The following FHIT variants were observed in gnomAD, a reference collection of about 807,000 sequenced individuals.
FHIT encodes bis(5'-adenosyl)-triphosphatase.
A neutral mutation model predicts 17.9 loss-of-function variants in FHIT; 19 were observed. That is an observed-to-expected ratio of 1.06 (90% confidence interval 0.74 to 1.56). The LOEUF (loss-of-function observed/expected upper bound fraction) is 1.56, where lower values mean the gene tolerates loss of function less well. Ranked by LOEUF, FHIT falls within the 40% of genes most tolerant of loss-of-function variation. The pLI is 0.00. For synonymous variants in FHIT, 81 were observed against 69.7 expected, an observed-to-expected ratio of 1.16 and a Z score of -0.81; for missense variants, 248 against 189.2, an observed-to-expected ratio of 1.31 and a Z score of -1.82.
chr3:60,770,984 T>G (rs782436304), intron 4 of FHIT, among the ~76,000 whole-genome samples: 1 of 152,216 alleles, frequency 6.6e-6, no homozygotes, highest in Non-Finnish European at 1.5e-5. Context: ...AACCTAACAG[T>G]TCTCTCTCAG....
intron 3 of FHIT, among the ~76,000 whole-genome samples, chr3:61,026,446 T>A (rs999521345): frequency 6.6e-6 from 1 of 152,200 alleles, no homozygotes; most frequent in Admixed American, 6.5e-5. Context: ...GCTGTTACCA[T>A]GGCGCCTGGC....
intron 4 of FHIT, among the ~76,000 whole-genome samples, chr3:60,814,678 C>G (rs782048621): frequency 6.6e-6 from 1 of 152,048 alleles, no homozygotes; most frequent in Non-Finnish European, 1.5e-5. Flanking sequence ...CATGCAAGTA[C>G]ATGTGTCTTT....
At chr3:60,030,602 G>A (rs190874145) in intron 5 of FHIT, among the ~76,000 whole-genome samples, 1 of 152,082 alleles carries the variant, frequency 6.6e-6, no homozygotes, top group African/African-American at 2.4e-5. Context: ...TTTCTATTGA[G>A]AATGCAAACT....
intron 5 of FHIT, among the ~76,000 whole-genome samples, chr3:60,055,258 G>A (rs1377926926): frequency 2.0e-5 from 3 of 152,092 alleles, no homozygotes; most frequent in Non-Finnish European, 2.9e-5. Context: ...CCAGCTTGCA[G>A]TACAGGGAAG....
chr3:61,167,926 A>G (rs1331846579), intron 2 of FHIT, among the ~76,000 whole-genome samples: 2 of 152,188 alleles, frequency 1.3e-5, no homozygotes, highest in Non-Finnish European at 2.9e-5. Flanking sequence ...AAGATCTCTC[A>G]GCTGGTAAGT....
chr3:60,920,987 C>G (rs1397685397), intron 3 of FHIT, among the ~76,000 whole-genome samples: 3 of 152,172 alleles, frequency 2.0e-5, no homozygotes, highest in African/African-American at 7.2e-5. Flanking sequence ...TGAGGGCTAA[C>G]TGTATAAGTA....
chr3:59,983,554 A>G (rs1005534879), intron 7 of FHIT, among the ~76,000 whole-genome samples: 2 of 152,164 alleles, frequency 1.3e-5, no homozygotes, highest in African/African-American at 4.8e-5. Context: ...AACTATGTAC[A>G]TATAGGAAAA....
chr3:60,703,083 C>G (rs1236594765), intron 4 of FHIT, among the ~76,000 whole-genome samples: 2 of 152,108 alleles, frequency 1.3e-5, no homozygotes, highest in Non-Finnish European at 2.9e-5. Flanking sequence ...GGGATTAGAG[C>G]GGCCCCTACC....
chr3:59,804,232 C>T (rs996278436), intron 8 of FHIT, among the ~76,000 whole-genome samples: 5 of 152,366 alleles, frequency 3.3e-5, no homozygotes, highest in Middle Eastern at 3.4e-3. Flanking sequence ...CCTCCTCACA[C>T]TCCTACACTT....
At chr3:60,289,193 C>G (rs951666489) in intron 5 of FHIT, among the ~76,000 whole-genome samples, 1 of 152,124 alleles carries the variant, frequency 6.6e-6, no homozygotes, top group African/African-American at 2.4e-5. Flanking sequence ...TAATTTTCTT[C>G]CTATTAAATT....
At chr3:60,023,175 G>C (rs1575910329) in intron 5 of FHIT, among the ~76,000 whole-genome samples, 1 of 152,178 alleles carries the variant, frequency 6.6e-6, no homozygotes, top group African/African-American at 2.4e-5. Context: ...ACTCCAATGA[G>C]AGATTATTTT....
intron 8 of FHIT, among the ~76,000 whole-genome samples, chr3:59,834,236 T>C (rs909795190): frequency 6.6e-6 from 1 of 152,174 alleles, no homozygotes; most frequent in Non-Finnish European, 1.5e-5. Context: ...AGTGTTCTCC[T>C]GTACATCACA....
At chr3:60,415,913 T>A (rs1702230528) in intron 5 of FHIT, among the ~76,000 whole-genome samples, 2 of 70,416 alleles carry the variant, frequency 2.8e-5, no homozygotes, top group South Asian at 3.7e-4. Context: ...TAATTATATA[T>A]AACATATTAA....
chr3:60,727,091 G>A (rs1332476276), intron 4 of FHIT, among the ~76,000 whole-genome samples: 1 of 152,068 alleles, frequency 6.6e-6, no homozygotes, highest in Non-Finnish European at 1.5e-5. Context: ...GAACTGATCT[G>A]GGCTTAGTGA....
At chr3:59,779,824 C>G (rs184554363) in intron 8 of FHIT, among the ~76,000 whole-genome samples, 2 of 152,214 alleles carry the variant, frequency 1.3e-5, no homozygotes, top group Admixed American at 6.5e-5. Context: ...GCACTTAGCA[C>G]TGTTCGATAA....
At chr3:60,468,152 A>C (rs991345151) in intron 5 of FHIT, among the ~76,000 whole-genome samples, 19 of 151,994 alleles carry the variant, frequency 1.3e-4, no homozygotes, top group South Asian at 4.2e-4. Context: ...ATCTTCTTCC[A>C]TATCTCTTTA....
rs558897773 is a variant in FHIT, at chr3:61,102,287, A to G, written c.-163-60188T>C. ...GAAGGGCTGTTGAATTTTGTCAAAG[A>G]CCTTTTCTGCATCTACTGAGATAAT... is the stretch of plus-strand genomic sequence containing the variant. On this transcript the variant is annotated intron_variant, in intron 2 of 9. Coordinates refer to ENST00000492590, the MANE Select transcript of FHIT (RefSeq NM_002012.4). Among the ~76,000 whole-genome samples the G allele has an allele frequency of 2.4e-3, 358 of 152,044 alleles. 3 individuals are homozygous for G. Among genetic ancestry groups the G allele is most frequent in the Non-Finnish European group, 3.1e-3 (212 of 67,928 alleles).
chr3:60,597,894 G>C lies in FHIT; in HGVS notation c.-17-60915C>G, dbSNP rs1380208033. 6.6e-5 allele frequency among the ~76,000 whole-genome samples: 10 copies of C among 152,094 alleles called. No individual in the cohort carries two copies. In the East Asian group the frequency reaches 1.9e-3, roughly 29 times the overall value. Reference sequence around the variant, plus strand: ...CTCTCTGTCTAGTAAGTTAGAGGAAGAACAACAAAAGTAGATTGCCAGATA... The same window carrying C: ...CTCTCTGTCTAGTAAGTTAGAGGAACAACAACAAAAGTAGATTGCCAGATA... On this transcript the variant is annotated intron_variant, in intron 4 of 9. Coordinates refer to ENST00000492590, the MANE Select transcript of FHIT (RefSeq NM_002012.4).
intron 7 of FHIT, among the ~76,000 whole-genome samples, chr3:59,968,888 A>G (rs1465235675): frequency 1.3e-5 from 2 of 152,292 alleles, no homozygotes; most frequent in East Asian, 1.9e-4. Context: ...TCAGATGCCA[A>G]TGCAGCCTGT....
Sources: gnomAD v4.1 joint callset for allele counts (sites outside exome capture counted in the v4.1 genomes callset) on GRCh38, gnomAD v4.1.1 for gene constraint, MANE v1.5 for transcripts, NCBI Gene and HGNC (gene_info 2026-07-23, HGNC 2026-07-21) for gene names.